The following AKT3 variants were observed in gnomAD, a reference collection of about 807,000 sequenced individuals.
AKT3 encodes AKT serine/threonine kinase 3.
A neutral mutation model predicts 65.3 loss-of-function variants in AKT3; 15 were observed. That is an observed-to-expected ratio of 0.23 (90% CI 0.15 to 0.35). The LOEUF (loss-of-function observed/expected upper bound fraction) is 0.35. Among genes scored for constraint, AKT3 ranks in the 10% least tolerant of loss-of-function variants. AKT3 has a pLI of 1.00. For missense variants in AKT3, 243 were observed against 576.5 expected, an observed-to-expected ratio of 0.42 and a Z score of 5.92; for synonymous variants, 206 against 183.8, an observed-to-expected ratio of 1.12 and a Z score of -0.98.
At chr1:243,660,789 C>T (rs1188781673) in intron 4 of AKT3, among the ~76,000 whole-genome samples, 2 of 152,204 alleles carry the variant, frequency 1.3e-5, no homozygotes, top group African/African-American at 4.8e-5. Context: ...TTGCAGATGA[C>T]ATGATTGTAT....
chr1:243,721,305 G>T (rs1019718972), intron 2 of AKT3, among the ~76,000 whole-genome samples: 1 of 152,108 alleles, frequency 6.6e-6, no homozygotes, highest in African/African-American at 2.4e-5. Flanking sequence ...AACATTACAA[G>T]AGAGAGGCCA....
At chr1:243,806,261 C>T (rs1306755039) in intron 2 of AKT3, among the ~76,000 whole-genome samples, 1 of 152,144 alleles carries the variant, frequency 6.6e-6, no homozygotes, top group Non-Finnish European at 1.5e-5. Context: ...TTTCATCTCA[C>T]CCAATAACTA....
At position 243,788,191 on chromosome 1, in the gene AKT3, G is replaced by C. The variant is rs182970900; in HGVS notation, c.46+54934C>G. 1.1e-3 allele frequency among the ~76,000 whole-genome samples: 169 copies of C among 152,192 alleles called. 1 individual carries two copies. The highest frequency in any genetic ancestry group is 7.8e-4 in the Non-Finnish European group (53 of 67,994). On this transcript the variant is annotated intron_variant, in intron 2 of 13. Transcript: ENST00000673466. ...GGATGGTAAGCTACTTGAAGGCAGG[G>C]AATATAGCTTATTATACTTTGCAAA...
rs770316522 is a variant in AKT3, at chr1:243,501,825, A to G, written c.*3424T>C. The G allele has an allele frequency of 2.5e-3, 579 of 232,854 alleles. 9 individuals carry two copies. The highest frequency in any genetic ancestry group is 3.8e-3 in the Middle Eastern group (3 of 782). The allele number at this position is 232,854 out of a possible 1,614,324, so 14.4% of individuals were successfully genotyped here. ...ACGAAGGAAAATCATGTTCATCCCT[A>G]TCATATACGTGTAAAAATACTAAGG... On this transcript the variant is annotated 3_prime_UTR_variant, in exon 14 of 14. Transcript: ENST00000673466.
chr1:243,737,032 C>T (rs935950067), intron 2 of AKT3, among the ~76,000 whole-genome samples: 1 of 152,182 alleles, frequency 6.6e-6, no homozygotes, highest in African/African-American at 2.4e-5. Flanking sequence ...AATCTACTTT[C>T]ACTTCCAGAA....
chr1:243,563,903 A>G, intron 9 of AKT3, 55 bp from the exon 10 acceptor site: 1 of 1,525,044 alleles, frequency 6.6e-7, no homozygotes, highest in African/African-American at 1.4e-5. Context: ...CAACATGAAA[A>G]TACCATTTTA....
intron 2 of AKT3, among the ~76,000 whole-genome samples, chr1:243,766,633 A>G (rs1055869287): frequency 1.3e-5 from 2 of 152,200 alleles, no homozygotes; most frequent in Non-Finnish European, 1.5e-5. Flanking sequence ...AATTCAAATG[A>G]GGAAAAGACA....
chr1:243,499,071 A>C (rs952918379), downstream of AKT3, among the ~76,000 whole-genome samples: 2 of 152,200 alleles, frequency 1.3e-5, no homozygotes. Flanking sequence ...GATGTGGTTT[A>C]AACTAATTTG....
chr1:243,609,375 C>T (rs186197066), intron 8 of AKT3, among the ~76,000 whole-genome samples: 1 of 139,470 alleles, frequency 7.2e-6, no homozygotes, highest in Admixed American at 7.2e-5. Context: ...TGTACCAACA[C>T]TGTAATTACC....
chr1:243,645,552 T>C (rs369678266), intron 5 of AKT3, among the ~76,000 whole-genome samples: 2 of 152,074 alleles, frequency 1.3e-5, no homozygotes, highest in African/African-American at 4.8e-5. Context: ...AAATGCGAAA[T>C]GGAAAAGAAC....
chr1:243,685,377 G>A (rs940856814), intron 3 of AKT3, among the ~76,000 whole-genome samples: 11 of 152,186 alleles, frequency 7.2e-5, no homozygotes, highest in African/African-American at 2.7e-4. Flanking sequence ...AAGGGGTCCA[G>A]TTTCAGTTTT....
At chr1:243,642,533 T>A (rs933938533) in intron 5 of AKT3, among the ~76,000 whole-genome samples, 4 of 152,272 alleles carry the variant, frequency 2.6e-5, no homozygotes, top group Non-Finnish European at 5.9e-5. Context: ...ATGGTCTCGA[T>A]CTCCTGACCT....
chr1:243,759,969 A>C (rs1028305692), intron 2 of AKT3, among the ~76,000 whole-genome samples: 1 of 152,198 alleles, frequency 6.6e-6, no homozygotes, highest in African/African-American at 2.4e-5. Flanking sequence ...GGGAACCAAA[A>C]AATAAACTAA....
At chr1:243,737,494 G>A (rs1291224150) in intron 2 of AKT3, among the ~76,000 whole-genome samples, 1 of 151,918 alleles carries the variant, frequency 6.6e-6, no homozygotes, top group African/African-American at 2.4e-5. Flanking sequence ...ACAATGTTTT[G>A]CTAAGAAAGA....
intron 10 of AKT3, among the ~76,000 whole-genome samples, chr1:243,561,330 T>G (rs952181925): frequency 1.3e-5 from 2 of 152,126 alleles, no homozygotes; most frequent in East Asian, 3.8e-4. Context: ...GTTGGGCATT[T>G]ACAAAGCATT....
intron 2 of AKT3, among the ~76,000 whole-genome samples, chr1:243,712,888 A>C (rs1252343621): frequency 6.6e-6 from 1 of 152,190 alleles, no homozygotes; most frequent in Non-Finnish European, 1.5e-5. Flanking sequence ...GAAATATACA[A>C]CCAACTCATT....
intron 2 of AKT3, among the ~76,000 whole-genome samples, chr1:243,819,076 G>A (rs1002361355): frequency 3.3e-5 from 5 of 152,252 alleles, no homozygotes; most frequent in African/African-American, 7.2e-5. Context: ...CGTGCCAAGC[G>A]CAGAGCTGTG....
rs563000098 is a variant in AKT3 at position 243,537,222 on chromosome 1, C to A, written c.1251+8288G>T. Among the ~76,000 whole-genome samples, 3 of 152,210 alleles carry A rather than the reference C, an allele frequency of 2.0e-5. No individual in the cohort carries two copies. The South Asian group carries it at 6.2e-4, about 32-fold the overall frequency. ...CTTCCACATTCTCACTGCTTCCCTCCCTCCTGACTTCCCTTTCAAATTTTC... is the reference window on the plus strand; with the variant it reads ...CTTCCACATTCTCACTGCTTCCCTCACTCCTGACTTCCCTTTCAAATTTTC... On this transcript the variant is annotated intron_variant, in intron 12 of 13. Transcript: ENST00000673466.
At chr1:243,681,430 C>T (rs1351406084) in intron 3 of AKT3, among the ~76,000 whole-genome samples, 1 of 152,166 alleles carries the variant, frequency 6.6e-6, no homozygotes, top group African/African-American at 2.4e-5. Flanking sequence ...CCTCACTCTA[C>T]AGATGACAAA....
Sources: allele counts gnomAD v4.1 joint callset (sites outside exome capture counted in the v4.1 genomes callset), GRCh38; gene constraint gnomAD v4.1.1; transcripts MANE v1.5; gene names NCBI Gene and HGNC (gene_info 2026-07-23, HGNC 2026-07-21).